Variants in FRMD4B observed in about 807,000 individuals in gnomAD.
The protein encoded by FRMD4B is FERM domain-containing protein 4B.
Under a neutral mutation model 141.5 loss-of-function variants are expected in FRMD4B, and 74 were observed. The ratio of observed to expected loss-of-function variants is 0.52; its 90% CI spans 0.43 to 0.63. FRMD4B has a LOEUF of 0.63. Ranked by LOEUF, FRMD4B falls within the 30% of genes least tolerant of loss-of-function variation. The pLI is 0.00. For synonymous variants in FRMD4B, 506 were observed against 467.9 expected, an observed-to-expected ratio of 1.08 and a Z score of -1.05; for missense variants, 1,366 against 1,253.4, an observed-to-expected ratio of 1.09 and a Z score of -1.36.
chr3:69,497,325 C>T (rs142127254), intron 1 of FRMD4B, among the ~76,000 whole-genome samples: 101 of 152,252 alleles, frequency 6.6e-4, no homozygotes, highest in African/African-American at 2.4e-3. Context: ...GACTAATATA[C>T]TTGTTATCTT....
At chr3:69,472,990 C>A (rs528821271) in intron 1 of FRMD4B, among the ~76,000 whole-genome samples, 208 of 138,472 alleles carry the variant, frequency 1.5e-3, no homozygotes, top group African/African-American at 5.3e-3. Context: ...GACTAATTCC[C>A]TCTGGGCATT....
chr3:69,392,152 C>T (rs1704395033), intron 2 of FRMD4B, among the ~76,000 whole-genome samples: 1 of 152,214 alleles, frequency 6.6e-6, no homozygotes, highest in Non-Finnish European at 1.5e-5. Flanking sequence ...TCGCACTATG[C>T]ATCAGGCAGG....
At chr3:69,446,360 T>A in intron 1 of FRMD4B, among the ~76,000 whole-genome samples, 1 of 151,014 alleles carries the variant, frequency 6.6e-6, no homozygotes, top group East Asian at 1.9e-4. Flanking sequence ...TGAGATGGAG[T>A]CTCAATCTGT....
intron 1 of FRMD4B, among the ~76,000 whole-genome samples, chr3:69,437,111 C>T (rs1021757820): frequency 1.3e-5 from 2 of 152,214 alleles, no homozygotes; most frequent in Non-Finnish European, 2.9e-5. Context: ...CTTACTCTGT[C>T]GCCCAGGCTG....
At chr3:69,319,698 T>C (rs964243097) in intron 1 of FRMD4B, among the ~76,000 whole-genome samples, 2 of 152,218 alleles carry the variant, frequency 1.3e-5, no homozygotes, top group Admixed American at 1.3e-4. Flanking sequence ...GATGCTTACA[T>C]GAGGTGGGTA....
intron 5 of FRMD4B, among the ~76,000 whole-genome samples, chr3:69,267,187 C>A (rs910533223): frequency 2.0e-5 from 3 of 152,128 alleles, no homozygotes; most frequent in African/African-American, 4.8e-5. Context: ...GTGTTTGGAA[C>A]CAGTGAGTTA....
At chr3:69,284,049 G>GT (rs1423725432) in intron 5 of FRMD4B, among the ~76,000 whole-genome samples, 1 of 151,844 alleles carries the variant, frequency 6.6e-6, no homozygotes, top group Non-Finnish European at 1.5e-5. Flanking sequence ...AACGAAGATA[G>GT]TGAACCTTGA....
intron 1 of FRMD4B, among the ~76,000 whole-genome samples, chr3:69,465,623 G>A (rs1575812026): frequency 6.6e-6 from 1 of 151,058 alleles, no homozygotes; most frequent in Admixed American, 6.6e-5. Context: ...TCCCACCTAT[G>A]AGTAAGAATA....
chr3:69,212,918 T>C (rs114748808), intron 11 of FRMD4B, among the ~76,000 whole-genome samples: 3,417 of 152,298 alleles, frequency 0.022, 70 homozygotes, highest in Non-Finnish European at 0.029. Flanking sequence ...GAAAACATGA[T>C]AGACAGCATT....
intron 1 of FRMD4B, among the ~76,000 whole-genome samples, chr3:69,532,133 T>G (rs1175001547): frequency 1.3e-5 from 2 of 152,208 alleles, no homozygotes; most frequent in Admixed American, 6.5e-5. Context: ...ATTCTGCATT[T>G]CAATTTGCAC....
At chr3:69,398,363 A>G (rs1226366249) in intron 2 of FRMD4B, among the ~76,000 whole-genome samples, 1 of 152,202 alleles carries the variant, frequency 6.6e-6, no homozygotes, top group East Asian at 1.9e-4. Context: ...GGTGATTAGC[A>G]TATCCATCAT....
At chr3:69,417,531 C>T (rs918185240) in intron 2 of FRMD4B, among the ~76,000 whole-genome samples, 2 of 152,176 alleles carry the variant, frequency 1.3e-5, no homozygotes, top group African/African-American at 4.8e-5. Context: ...TTTTGCTGTG[C>T]AGAAGCTCTT....
At chr3:69,415,640 C>G (rs1029202106) in intron 2 of FRMD4B, among the ~76,000 whole-genome samples, 3 of 152,228 alleles carry the variant, frequency 2.0e-5, no homozygotes, top group African/African-American at 7.2e-5. Context: ...TTCCCTCAGC[C>G]TAGGCCAGGT....
chr3:69,186,657 A>C (rs2092771113), intron 19 of FRMD4B, among the ~76,000 whole-genome samples: 1 of 152,186 alleles, frequency 6.6e-6, no homozygotes, highest in Admixed American at 6.5e-5. Flanking sequence ...GGTTGCAGTG[A>C]GCTGAGATTG....
chr3:69,303,975 A>T (rs934351887), intron 3 of FRMD4B, among the ~76,000 whole-genome samples: 1 of 151,974 alleles, frequency 6.6e-6, no homozygotes, highest in African/African-American at 2.4e-5. Flanking sequence ...CAGACACATA[A>T]CAATACCACA....
chr3:69,347,871 A>G (rs1702999294), intron 1 of FRMD4B, among the ~76,000 whole-genome samples: 1 of 152,180 alleles, frequency 6.6e-6, no homozygotes, highest in African/African-American at 2.4e-5. Context: ...ATGCCCACAA[A>G]AGAAAGCAGG....
intron 1 of FRMD4B, among the ~76,000 whole-genome samples, chr3:69,453,425 G>A (rs977323735): frequency 2.0e-5 from 3 of 152,086 alleles, no homozygotes; most frequent in African/African-American, 7.2e-5. Flanking sequence ...CGTGCATAGC[G>A]CCGGGCACCT....
intron 4 of FRMD4B, among the ~76,000 whole-genome samples, chr3:69,300,914 T>G (rs1040681272): frequency 2.6e-5 from 4 of 152,060 alleles, no homozygotes; most frequent in African/African-American, 9.7e-5. Flanking sequence ...TTTTGTATTT[T>G]TAGTAGAGAT....
intron 1 of FRMD4B, among the ~76,000 whole-genome samples, chr3:69,457,102 T>TA (rs770516443): frequency 6.6e-6 from 1 of 152,118 alleles, no homozygotes; most frequent in Admixed American, 6.5e-5. Flanking sequence ...CAGAAAAAGT[T>TA]AAAGTTATTT....
Sources: allele counts gnomAD v4.1 joint callset (sites outside exome capture counted in the v4.1 genomes callset), GRCh38; gene constraint gnomAD v4.1.1; transcripts MANE v1.5; gene names NCBI Gene and HGNC (gene_info 2026-07-23, HGNC 2026-07-21).